SMYD1: variants seen among roughly 807,000 people sequenced by gnomAD.
SMYD1 encodes SET and MYND domain containing 1.
A neutral mutation model predicts 54.0 loss-of-function variants in SMYD1; 49 were observed. The observed-to-expected ratio is 0.91, with a 90% CI of 0.72 to 1.15. The LOEUF (loss-of-function observed/expected upper bound fraction) is 1.15. SMYD1 is among the 50% of genes most tolerant of loss of function. SMYD1 has a pLI of 0.00. For synonymous variants in SMYD1, 269 were observed against 234.2 expected, an observed-to-expected ratio of 1.15 and a Z score of -1.36; for missense variants, 653 against 639.6, an observed-to-expected ratio of 1.02 and a Z score of -0.23.
At position 88,111,389 on chromosome 2, in the gene SMYD1, T is replaced by G. The variant is rs1041236398; in HGVS notation, c.*877T>G. ...TAGGATTTAAAAAATATTTTCAAAG[T>G]GAAGCTGAGAGAGAATCTTGGAAAC... On this transcript the variant is annotated 3_prime_UTR_variant, in exon 10 of 10. Transcript: ENST00000419482. 6.6e-6 allele frequency: 1 copy of G among 152,238 alleles called. No individual in the cohort carries two copies. The highest frequency in any genetic ancestry group is 2.4e-5 in the African/African-American group (1 of 41,460). 9.4% of individuals were successfully genotyped at this position (152,238 alleles called of 1,614,324 possible).
At chr2:88,093,385 G>T in intron 4 of SMYD1, 132 bp from the exon 5 acceptor site, 1 of 1,022,702 alleles carries the variant, frequency 9.8e-7, no homozygotes. Flanking sequence ...GCTAGAAGGG[G>T]CTAGGATAAA....
chr2:88,101,644 C>G (rs1420178578), intron 6 of SMYD1, among the ~76,000 whole-genome samples: 1 of 152,210 alleles, frequency 6.6e-6, no homozygotes, highest in Non-Finnish European at 1.5e-5. Flanking sequence ...CTCACTCTGT[C>G]ACTCAGGCTG....
Position 88,110,337 on chromosome 2 carries a change from G to A in SMYD1, c.1315-17G>A. On this transcript the variant is annotated splice_polypyrimidine_tract_variant and intron_variant, in intron 9 of 9. Transcript: ENST00000419482. ...GGGGCTTGCTATCACTGTTTACGGT[G>A]TATCTGTGTCCCACAGGCCATGCGG... 1 of 1,605,650 alleles carries A rather than the reference G, an allele frequency of 6.2e-7. No individual in the cohort carries two copies. Among genetic ancestry groups the A allele is most frequent in the African/African-American group, 1.3e-5 (1 of 74,952 alleles).
At chr2:88,068,804 C>G (rs1673888547) in intron 1 of SMYD1, among the ~76,000 whole-genome samples, 1 of 152,054 alleles carries the variant, frequency 6.6e-6, no homozygotes, top group Non-Finnish European at 1.5e-5. Context: ...TATGAATCAT[C>G]AATCTTAATT....
intron 2 of SMYD1, 117 bp from the exon 3 acceptor site, chr2:88,087,745 G>A: frequency 1.1e-6 from 1 of 895,960 alleles, no homozygotes. Flanking sequence ...CATCCATCTA[G>A]TTTAAAAACG....
rs920684970 is a variant in SMYD1, at chr2:88,089,595, T to G, written c.529-1417T>G. ...CCAGAGCTTCTACCTGTTTTTTTTT[T>G]TTTTTTTTTTTTTTGAGATGAGGGT... On this transcript the variant is annotated intron_variant, in intron 3 of 9. Coordinates refer to ENST00000419482, the MANE Select transcript of SMYD1 (RefSeq NM_198274.4). Among the ~76,000 whole-genome samples, 3 of 144,878 alleles carry G rather than the reference T, an allele frequency of 2.1e-5. No individual in the cohort carries two copies. The East Asian group carries it at 6.1e-4, about 29-fold the overall frequency.
intron 1 of SMYD1, among the ~76,000 whole-genome samples, chr2:88,081,781 G>T (rs966808952): frequency 5.3e-5 from 8 of 152,250 alleles, no homozygotes; most frequent in African/African-American, 1.9e-4. Flanking sequence ...GAAACTAATG[G>T]AAGCATAATG....
intron 1 of SMYD1, among the ~76,000 whole-genome samples, chr2:88,075,447 G>A (rs1007929617): frequency 2.0e-5 from 3 of 151,626 alleles, no homozygotes; most frequent in Admixed American, 6.6e-5. Context: ...AGAAAATCTT[G>A]AGAATTGATG....
chr2:88,103,581 A>G (rs1183581215), intron 7 of SMYD1, among the ~76,000 whole-genome samples: 1 of 152,070 alleles, frequency 6.6e-6, no homozygotes, highest in African/African-American at 2.4e-5. Context: ...AGCACCAGGG[A>G]TTCTCAGCTG....
At position 88,111,815 on chromosome 2, in the gene SMYD1, C is replaced by G. The variant is rs1334066629; in HGVS notation, c.*1303C>G. ...ATTTCTCACCAATGTTTTGGGAGAT[C>G]CTGGAAAAGATCCCTTCAGTTTGGG... On this transcript the variant is annotated 3_prime_UTR_variant, in exon 10 of 10. Coordinates refer to ENST00000419482, the MANE Select transcript of SMYD1 (RefSeq NM_198274.4). The G allele has an allele frequency of 5.0e-6, 2 of 397,290 alleles. No individual in the cohort carries two copies. The highest frequency in any genetic ancestry group is 9.2e-6 in the Non-Finnish European group (2 of 218,556). The allele number at this position is 397,290 out of a possible 1,614,324, so 24.6% of individuals were successfully genotyped here.
chr2:88,108,770 T>C (rs1486728394), intron 9 of SMYD1, among the ~76,000 whole-genome samples: 1 of 152,224 alleles, frequency 6.6e-6, no homozygotes, highest in Non-Finnish European at 1.5e-5. Context: ...TGTTGGTTCA[T>C]GGTTCTGCAG....
At chr2:88,103,249 G>C (rs1266661537) in intron 7 of SMYD1, 99 bp downstream of exon 7, 1 of 835,074 alleles carries the variant, frequency 1.2e-6, no homozygotes, top group African/African-American at 1.7e-5. Flanking sequence ...GGCGGGGGAG[G>C]GGGGCTACCA....
At chr2:88,088,097 T>C in intron 3 of SMYD1, 22 bp downstream of exon 3, 1 of 1,590,946 alleles carries the variant, frequency 6.3e-7, no homozygotes. Flanking sequence ...GCGTCCCTTC[T>C]CCATCCTCCC....
intron 1 of SMYD1, among the ~76,000 whole-genome samples, chr2:88,077,832 T>C (rs1573102860): frequency 6.6e-6 from 1 of 151,448 alleles, no homozygotes; most frequent in Non-Finnish European, 1.5e-5. Context: ...CAAGCGATTC[T>C]CCTGCCTCAG....
Position 88,096,738 on chromosome 2 carries a change from A to T in SMYD1, c.842A>T (p.Lys281Ile). The change falls in exon 6 of 10, where the codon AAA becomes ATA. Residue 281 changes from lysine (K) to isoleucine (I), a missense_variant. Lys to Ile is a moderately radical substitution (Grantham distance 102). Transcript: ENST00000419482. ...YFDCTCEHCQ[K>I]KLKDDLFLGV... is the part of the protein sequence containing the mutation. The stretch of plus-strand genomic sequence containing the variant: ...GACTGCACATGTGAACACTGCCAGA[A>T]AAAACTGAAGGATGACCTCTTCCTG... 1 of 1,614,210 alleles carries T rather than the reference A, an allele frequency of 6.2e-7. No individual in the cohort carries two copies.
At chr2:88,070,791 A>C (rs1415243536) in intron 1 of SMYD1, among the ~76,000 whole-genome samples, 1 of 151,994 alleles carries the variant, frequency 6.6e-6, no homozygotes, top group East Asian at 1.9e-4. Flanking sequence ...AAAAATACGA[A>C]AATTAGCCAG....
At chr2:88,096,279 G>A (rs541546991) in intron 5 of SMYD1, among the ~76,000 whole-genome samples, 1 of 152,314 alleles carries the variant, frequency 6.6e-6, no homozygotes, top group Middle Eastern at 3.4e-3. Context: ...TAGCTAAAAA[G>A]TAAAAGGAGG....
chr2:88,077,079 TG>T (rs1674082690), intron 1 of SMYD1, among the ~76,000 whole-genome samples: 2 of 152,074 alleles, frequency 1.3e-5, no homozygotes, highest in Non-Finnish European at 2.9e-5. Flanking sequence ...GCTGGGAGTT[TG>T]TAAGCATCCC....
At chr2:88,080,121 T>C (rs1674156204) in intron 1 of SMYD1, among the ~76,000 whole-genome samples, 1 of 152,222 alleles carries the variant, frequency 6.6e-6, no homozygotes, top group Admixed American at 6.5e-5. Flanking sequence ...TTCAGAGTTG[T>C]TCCAGGTTGT....
Sources: gnomAD v4.1 joint callset for allele counts (sites outside exome capture counted in the v4.1 genomes callset) on GRCh38, gnomAD v4.1.1 for gene constraint, MANE v1.5 for transcripts, NCBI Gene and HGNC (gene_info 2026-07-23, HGNC 2026-07-21) for gene names.